Variants in LMBRD1 observed in about 807,000 individuals in gnomAD.
LMBRD1 encodes the protein lysosomal cobalamin transport escort protein LMBD1.
LMBRD1 carries 64 observed loss-of-function variants against 74.8 expected under a neutral mutation model. The ratio of observed to expected loss-of-function variants is 0.86; its 90% CI spans 0.70 to 1.05. The LOEUF (loss-of-function observed/expected upper bound fraction) is 1.05, where lower values mean the gene tolerates loss of function less well. Among genes scored for constraint, LMBRD1 ranks in the 50% least tolerant of loss-of-function variants. The pLI is 0.00. For missense variants in LMBRD1, 652 were observed against 645.9 expected, an observed-to-expected ratio of 1.01 and a Z score of -0.10; for synonymous variants, 204 against 216.3, an observed-to-expected ratio of 0.94 and a Z score of 0.50.
chr6:69,734,940 A>G (rs564608429), intron 7 of LMBRD1, among the ~76,000 whole-genome samples: 17 of 152,330 alleles, frequency 1.1e-4, no homozygotes, highest in African/African-American at 4.1e-4. Context: ...TTAAGGAATA[A>G]ATGTTTGCAA....
intron 8 of LMBRD1, among the ~76,000 whole-genome samples, chr6:69,714,477 T>C (rs1056146973): frequency 2.0e-5 from 3 of 152,080 alleles, no homozygotes; most frequent in African/African-American, 7.2e-5. Flanking sequence ...CACTGAACTC[T>C]CCTGCTCCTA....
intron 14 of LMBRD1, among the ~76,000 whole-genome samples, chr6:69,685,135 C>T (rs1765737741): frequency 7.6e-6 from 1 of 131,004 alleles, no homozygotes; most frequent in African/African-American, 2.5e-5. Flanking sequence ...AAAGAGAGCA[C>T]ACACATGTTT....
At chr6:69,709,179 A>G (rs187430382) in intron 9 of LMBRD1, among the ~76,000 whole-genome samples, 1 of 152,160 alleles carries the variant, frequency 6.6e-6, no homozygotes, top group East Asian at 1.9e-4. Context: ...GCTTGCGGTG[A>G]GCCGAGATTG....
In LMBRD1 at chr6:69,674,284, GTAT is replaced by G. The variant is rs377144884; in HGVS notation, c.*1871_*1873del. On this transcript the variant is annotated 3_prime_UTR_variant, in exon 16 of 16. Coordinates refer to ENST00000649934, the MANE Select transcript of LMBRD1 (RefSeq NM_018368.4). ...TTAAAAGGCCCTATCTCCACATAAA[GTAT>G]TATTCTATGAAGTACCAGGGGACAA... Among the ~76,000 whole-genome samples the G allele has an allele frequency of 2.6e-3, 393 of 152,282 alleles. No homozygotes were observed. Among genetic ancestry groups the G allele is most frequent in the African/African-American group, 8.9e-3 (371 of 41,554 alleles).
At chr6:69,697,981 T>A (rs1766043509) in intron 13 of LMBRD1, among the ~76,000 whole-genome samples, 1 of 152,072 alleles carries the variant, frequency 6.6e-6, no homozygotes, top group African/African-American at 2.4e-5. Flanking sequence ...AGCAAAAGCA[T>A]AATCTTCCTT....
At chr6:69,680,568 A>G (rs140367224) in intron 14 of LMBRD1, among the ~76,000 whole-genome samples, 115 of 152,184 alleles carry the variant, frequency 7.6e-4, no homozygotes, top group African/African-American at 2.6e-3. Context: ...TTTTGATCAC[A>G]TTATTTTACA....
chr6:69,742,284 A>C (rs1767122137), intron 5 of LMBRD1, among the ~76,000 whole-genome samples: 1 of 152,206 alleles, frequency 6.6e-6, no homozygotes, highest in Admixed American at 6.5e-5. Flanking sequence ...TTAAGAAACA[A>C]AAGAAATACA....
At chr6:69,739,116 T>A (rs1042947007) in intron 6 of LMBRD1, among the ~76,000 whole-genome samples, 1 of 152,084 alleles carries the variant, frequency 6.6e-6, no homozygotes, top group Non-Finnish European at 1.5e-5. Context: ...CTAGGAGGGG[T>A]CTGACATCTG....
chr6:69,742,966 G>GA (rs969727502), intron 5 of LMBRD1, among the ~76,000 whole-genome samples: 18 of 146,048 alleles, frequency 1.2e-4, no homozygotes, highest in East Asian at 2.0e-4. Flanking sequence ...ACCACTTTTA[G>GA]AAAAAAAAAA....
At position 69,744,700 on chromosome 6, in the gene LMBRD1, G is replaced by C. The variant is rs73481760; in HGVS notation, c.474-2823C>G. On this transcript the variant is annotated intron_variant, in intron 5 of 15. Transcript: ENST00000649934. ...AAATAGCTTATGTTTCTTCCTCTCT[G>C]TTCTCTTTGTAACCACTGTAGTTCC... Among the ~76,000 whole-genome samples, 1,053 of 152,190 alleles carry C rather than the reference G, an allele frequency of 6.9e-3. 15 individuals carry two copies. The highest frequency in any genetic ancestry group is 0.021 in the African/African-American group (880 of 41,506).
chr6:69,724,812 G>A (rs1289320395), intron 7 of LMBRD1, among the ~76,000 whole-genome samples: 1 of 151,940 alleles, frequency 6.6e-6, no homozygotes, highest in Non-Finnish European at 1.5e-5. Flanking sequence ...TCTGGAGCAA[G>A]ACAAGGATGC....
chr6:69,735,362 T>G (rs1766953077), intron 7 of LMBRD1, among the ~76,000 whole-genome samples: 1 of 151,462 alleles, frequency 6.6e-6, no homozygotes, highest in Admixed American at 6.6e-5. Flanking sequence ...CACGCAGACA[T>G]GGAAACAACA....
intron 2 of LMBRD1, among the ~76,000 whole-genome samples, chr6:69,786,933 G>A (rs1328705805): frequency 1.3e-5 from 2 of 152,144 alleles, no homozygotes; most frequent in Non-Finnish European, 2.9e-5. Context: ...TATTTGAGGT[G>A]GAAGTAGAGA....
At chr6:69,741,334 T>C (rs1437030877) in intron 6 of LMBRD1, among the ~76,000 whole-genome samples, 2 of 151,932 alleles carry the variant, frequency 1.3e-5, no homozygotes, top group African/African-American at 4.8e-5. Context: ...CTAATTTGTC[T>C]AGCATTAGGT....
At chr6:69,743,641 A>T (rs1200193747) in intron 5 of LMBRD1, among the ~76,000 whole-genome samples, 1 of 152,256 alleles carries the variant, frequency 6.6e-6, no homozygotes, top group Non-Finnish European at 1.5e-5. Context: ...CGAAAGCACA[A>T]ATTCAAAGCA....
chr6:69,698,559 T>C (rs1256325078), intron 13 of LMBRD1, among the ~76,000 whole-genome samples: 1 of 151,936 alleles, frequency 6.6e-6, no homozygotes, highest in East Asian at 1.9e-4. Context: ...CAGTTCGCTT[T>C]TGAGAGATCA....
At chr6:69,706,064 C>T (rs936390752) in intron 9 of LMBRD1, 5 of 709,052 alleles carry the variant, frequency 7.1e-6, no homozygotes, top group African/African-American at 7.0e-5. Context: ...TCATTATCCA[C>T]CTTAAAGTGA....
At chr6:69,706,961 C>A (rs1055350790) in intron 9 of LMBRD1, among the ~76,000 whole-genome samples, 1 of 152,128 alleles carries the variant, frequency 6.6e-6, no homozygotes, top group Non-Finnish European at 1.5e-5. Context: ...ATTCTCTGCT[C>A]GAGGTCTCAC....
At chr6:69,753,006 G>C (rs545978040) in intron 3 of LMBRD1, among the ~76,000 whole-genome samples, 1 of 152,060 alleles carries the variant, frequency 6.6e-6, no homozygotes, top group African/African-American at 2.4e-5. Context: ...AACATGCAAG[G>C]ACAAATAGCT....
Sources: allele counts gnomAD v4.1 joint callset (sites outside exome capture counted in the v4.1 genomes callset), GRCh38; gene constraint gnomAD v4.1.1; transcripts MANE v1.5; gene names NCBI Gene and HGNC (gene_info 2026-07-23, HGNC 2026-07-21).